PDE1C: variants seen among roughly 807,000 people sequenced by gnomAD.
PDE1C encodes dual specificity calcium/calmodulin-dependent 3',5'-cyclic nucleotide phosphodiesterase 1C.
Under a neutral mutation model 93.1 loss-of-function variants are expected in PDE1C, and 62 were observed. The observed-to-expected ratio is 0.67, with a 90% CI of 0.54 to 0.82. The LOEUF (loss-of-function observed/expected upper bound fraction) is 0.82, where lower values mean the gene tolerates loss of function less well. Ranked by LOEUF, PDE1C falls within the 40% of genes least tolerant of loss-of-function variation. The pLI, the probability that PDE1C is intolerant of heterozygous loss-of-function variation, is 0.00. For missense variants in PDE1C, 742 were observed against 884.6 expected, an observed-to-expected ratio of 0.84 and a Z score of 2.04; for synonymous variants, 325 against 310.1, an observed-to-expected ratio of 1.05 and a Z score of -0.50.
chr7:31,908,908 T>C (rs1013755132), intron 2 of PDE1C, among the ~76,000 whole-genome samples: 2 of 152,170 alleles, frequency 1.3e-5, no homozygotes, highest in East Asian at 3.8e-4. Flanking sequence ...CTACATAATC[T>C]GGGTGGAAAG....
chr7:32,181,803 G>A (rs1283960931), intron 2 of PDE1C, among the ~76,000 whole-genome samples: 5 of 152,122 alleles, frequency 3.3e-5, no homozygotes, highest in Admixed American at 2.6e-4. Context: ...TAAGATCAGA[G>A]CAGAACTGAA....
At chr7:31,864,905 T>A (rs1337226902) in intron 7 of PDE1C, 37 bp downstream of exon 7, 1 of 1,600,472 alleles carries the variant, frequency 6.2e-7, no homozygotes, top group East Asian at 2.2e-5. Context: ...CATCCTTACA[T>A]CTTTTGGGGA....
the PDE1C span, among the ~76,000 whole-genome samples, chr7:31,633,332 C>T: frequency 6.6e-6 from 1 of 152,130 alleles, no homozygotes; most frequent in Non-Finnish European, 1.5e-5. Flanking sequence ...GTGGCCAATA[C>T]AAAGACGAAT....
chr7:31,997,686 A>G (rs1217135091), intron 2 of PDE1C, among the ~76,000 whole-genome samples: 1 of 152,172 alleles, frequency 6.6e-6, no homozygotes, highest in African/African-American at 2.4e-5. Context: ...TATTTGAGAC[A>G]CCCATTGTCA....
rs148337044 is a variant in PDE1C, at chr7:32,014,267, A to G, written c.128+37287T>C. ...GGTATTAAATGTCAAGTCAGTAAGA[A>G]GATAGTCTGAAAACATTTAAAAGCT... is the stretch of plus-strand genomic sequence containing the variant. On this transcript the variant is annotated intron_variant, in intron 2 of 17. Transcript: ENST00000396191. 4.6e-3 allele frequency among the ~76,000 whole-genome samples: 686 copies of G among 150,438 alleles called. 9 individuals are homozygous for G. The highest frequency in any genetic ancestry group is 0.016 in the African/African-American group (651 of 40,694).
At chr7:32,266,514 C>T (rs1420311391) in intron 1 of PDE1C, among the ~76,000 whole-genome samples, 1 of 152,032 alleles carries the variant, frequency 6.6e-6, no homozygotes, top group Non-Finnish European at 1.5e-5. Flanking sequence ...AAATAAAAAG[C>T]CTTTCCTTCG....
chr7:31,969,092 C>G (rs1291967669), intron 2 of PDE1C, among the ~76,000 whole-genome samples: 3 of 152,176 alleles, frequency 2.0e-5, no homozygotes, highest in African/African-American at 7.2e-5. Context: ...AGGTCTAAAA[C>G]ACCAAAAGCA....
At chr7:32,032,235 C>A (rs541156983) in intron 2 of PDE1C, among the ~76,000 whole-genome samples, 1 of 152,242 alleles carries the variant, frequency 6.6e-6, no homozygotes, top group East Asian at 1.9e-4. Context: ...GAAGAGGCTG[C>A]CTCAAAGGTT....
chr7:32,378,139 G>A (rs1784465387), intron 1 of PDE1C, among the ~76,000 whole-genome samples: 3 of 152,144 alleles, frequency 2.0e-5, no homozygotes, highest in Admixed American at 1.3e-4. Context: ...CCAACTGGGT[G>A]CATTTACTGT....
At chr7:31,878,902 A>C (rs1796922005) in intron 4 of PDE1C, 94 bp downstream of exon 4, 1 of 1,245,342 alleles carries the variant, frequency 8.0e-7, no homozygotes, top group Non-Finnish European at 1.1e-6. Context: ...ATTTATAAAG[A>C]TAGGAAAACT....
intron 2 of PDE1C, among the ~76,000 whole-genome samples, chr7:31,917,268 C>T (rs1351215113): frequency 6.6e-6 from 1 of 152,124 alleles, no homozygotes; most frequent in East Asian, 1.9e-4. Context: ...GCTCTAAATT[C>T]CCAGAGATTA....
intron 7 of PDE1C, among the ~76,000 whole-genome samples, chr7:31,852,672 G>A (rs1392938799): frequency 2.6e-5 from 4 of 151,986 alleles, no homozygotes; most frequent in African/African-American, 9.7e-5. Flanking sequence ...CTCACTCAAG[G>A]TCACACAGCC....
intron 17 of PDE1C, among the ~76,000 whole-genome samples, chr7:31,762,710 C>T (rs1794911732): frequency 6.6e-6 from 1 of 152,112 alleles, no homozygotes; most frequent in Non-Finnish European, 1.5e-5. Flanking sequence ...ATGCTGAATT[C>T]TCTATGGCTT....
chr7:31,988,995 CAAAAAAAAAAAAA>C (rs36081234), intron 2 of PDE1C, among the ~76,000 whole-genome samples: 1 of 34,156 alleles, frequency 2.9e-5, no homozygotes, highest in Admixed American at 4.0e-4. Context: ...AACTTCTTCT[CAAAAAAAAAAAAA>C]AAAAAAAAAA....
chr7:32,413,030 G>T (rs759880215), intron 1 of PDE1C, among the ~76,000 whole-genome samples: 7 of 152,138 alleles, frequency 4.6e-5, no homozygotes, highest in Middle Eastern at 3.2e-3. Flanking sequence ...AGGGGTTTGG[G>T]TTACACAAGC....
intron 2 of PDE1C, among the ~76,000 whole-genome samples, chr7:31,947,486 G>A (rs1383602937): frequency 6.6e-6 from 1 of 152,138 alleles, no homozygotes; most frequent in Non-Finnish European, 1.5e-5. Context: ...GCAGGCCTTT[G>A]GGGCCAAGTT....
At chr7:32,362,888 C>T (rs1263189385) in intron 1 of PDE1C, among the ~76,000 whole-genome samples, 1 of 152,202 alleles carries the variant, frequency 6.6e-6, no homozygotes, top group Non-Finnish European at 1.5e-5. Context: ...ACCTGGCAGT[C>T]AGGGGAAGAC....
intron 2 of PDE1C, among the ~76,000 whole-genome samples, chr7:31,888,531 G>A (rs893993393): frequency 2.0e-5 from 3 of 151,940 alleles, no homozygotes; most frequent in Non-Finnish European, 2.9e-5. Flanking sequence ...GATAAAAAGA[G>A]ACTATTACTA....
chr7:32,389,190 G>GTGTGTGTGT (rs3079660), intron 1 of PDE1C, among the ~76,000 whole-genome samples: 33 of 127,918 alleles, frequency 2.6e-4, no homozygotes, highest in African/African-American at 5.2e-4. Context: ...GTGTGTGTGT[G>GTGTGTGTGT]GTTTTTTTGG....
Sources: gnomAD v4.1 joint callset for allele counts (sites outside exome capture counted in the v4.1 genomes callset) on GRCh38, gnomAD v4.1.1 for gene constraint, MANE v1.5 for transcripts, NCBI Gene and HGNC (gene_info 2026-07-23, HGNC 2026-07-21) for gene names.